Variants in ASPM observed in about 807,000 individuals in gnomAD.
The protein encoded by ASPM is assembly factor for spindle microtubules.
Under a neutral mutation model 366.4 loss-of-function variants are expected in ASPM, and 256 were observed. The ratio of observed to expected loss-of-function variants is 0.70; its 90% confidence interval spans 0.63 to 0.77. ASPM has a LOEUF of 0.77. Among genes scored for constraint, ASPM ranks in the 30% least tolerant of loss-of-function variants. The pLI, the probability that ASPM is intolerant of heterozygous loss-of-function variation, is 0.00. For missense variants in ASPM, 4,146 were observed against 4,090.4 expected (o/e 1.01, Z -0.37); for synonymous variants, 1,414 against 1,342.9 (o/e 1.05, Z -1.16).
chr1:197,143,255 C>T lies in ASPM; in HGVS notation c.997G>A (p.Glu333Lys), dbSNP rs1424532647. Residue 333 changes from glutamate to lysine, a missense_variant, in exon 3 of 28, where the codon GAA (glutamate) becomes AAA (lysine). Physicochemically the swap from Glu to Lys is moderately conservative, Grantham distance 56 (BLOSUM62 1). Coordinates refer to ENST00000367409, the MANE Select transcript of ASPM (RefSeq NM_018136.5). ...TCTGATGAAAGACATGTTACTAATT[C>T]TAGTTCATTATTAGCTCCATGACTA... Reference protein sequence around the residue: ...NNSHGANNELELVTCLSSDMF... With the variant: ...NNSHGANNELKLVTCLSSDMF... 6.2e-7 allele frequency: 1 copy of T among 1,612,144 alleles called. No homozygotes were observed. Among genetic ancestry groups the T allele is most frequent in the Non-Finnish European group, 8.5e-7 (1 of 1,178,558 alleles).
chr1:197,091,685 T>G (rs1398716700), intron 22 of ASPM, among the ~76,000 whole-genome samples: 1 of 152,032 alleles, frequency 6.6e-6, no homozygotes, highest in Non-Finnish European at 1.5e-5. Flanking sequence ...CTGGCAGGAA[T>G]GTAAATGAGT....
At chr1:197,110,517 A>T (rs1219294933) in intron 17 of ASPM, among the ~76,000 whole-genome samples, 1 of 152,094 alleles carries the variant, frequency 6.6e-6, no homozygotes, top group Non-Finnish European at 1.5e-5. Context: ...AAGAAAAGTG[A>T]TAACTGGATT....
chr1:197,126,465 AAAG>A (rs1277392023), intron 10 of ASPM, among the ~76,000 whole-genome samples: 766 of 24,878 alleles, frequency 0.031, 105 homozygotes, highest in South Asian at 0.093. Flanking sequence ...AAAAAAAAAA[AAAG>A]GGAGGGGGAC....
chr1:197,084,264 G>A lies in ASPM; in HGVS notation c.*60C>T, dbSNP rs1537318. 4.7e-3 allele frequency: 5,933 copies of A among 1,258,850 alleles called. 165 individuals carry two copies. In the African/African-American group the frequency reaches 0.073, roughly 15 times the overall value. The allele number at this position is 1,258,850 out of a possible 1,614,324, so 78.0% of individuals were successfully genotyped here. ...ACACGGAGAGCAAAAATCACTTTAC[G>A]TACTCATGATTGGCTTTAATATTTC... On this transcript the variant is annotated 3_prime_UTR_variant, in exon 28 of 28. Coordinates refer to ENST00000367409, the MANE Select transcript of ASPM (RefSeq NM_018136.5).
rs202178898 is a variant in ASPM, at chr1:197,090,931, T to C, written c.9555A>G (p.Ala3185=). The C allele has an allele frequency of 6.8e-5, 110 of 1,613,398 alleles. No homozygotes were observed. Among genetic ancestry groups the C allele is most frequent in the Middle Eastern group, 1.6e-4 (1 of 6,080 alleles). ...QECLSQRNRA[A]SVIQKAVRHF... ...GGCGCACTGCTTTCTGTATTACTGATGCAGCCCTATTTCGCTGGCTCAGAC... is the reference window on the plus strand; with the variant it reads ...GGCGCACTGCTTTCTGTATTACTGACGCAGCCCTATTTCGCTGGCTCAGAC... Residue 3185 remains alanine (A), a synonymous_variant, in exon 23 of 28, where the codon GCA becomes GCG. Coordinates refer to ENST00000367409, the MANE Select transcript of ASPM (RefSeq NM_018136.5).
In ASPM at chr1:197,100,747, G is replaced by A; in HGVS notation, c.8504C>T (p.Thr2835Ile). ...FCRMVTRKLE[T>I]QKCAALRIQF... ...AATCCGTAGGGCAGCACATTTCTGTGTTTCCAGTTTTCTTGTGACCATTCT... is the reference window on the plus strand; with the variant it reads ...AATCCGTAGGGCAGCACATTTCTGTATTTCCAGTTTTCTTGTGACCATTCT... Residue 2835 changes from threonine (T) to isoleucine (I), a missense_variant, in exon 18 of 28, where the codon ACA becomes ATA. Thr to Ile is a moderately conservative substitution (Grantham distance 89, BLOSUM62 -1). This residue lies in a region of ASPM where 3,624 missense variants were observed against 3,591.7 expected (regional missense o/e 1.01). Transcript: ENST00000367409. The A allele has an allele frequency of 6.2e-7, 1 of 1,612,452 alleles. No individual in the cohort carries two copies. Among genetic ancestry groups the A allele is most frequent in the Non-Finnish European group, 8.5e-7 (1 of 1,179,104 alleles).
At chr1:197,136,786 C>T (rs1335928745) in intron 4 of ASPM, among the ~76,000 whole-genome samples, 1 of 151,986 alleles carries the variant, frequency 6.6e-6, no homozygotes, top group African/African-American at 2.4e-5. Flanking sequence ...TCTGGAAACT[C>T]TATTTCACAT....
At chr1:197,095,163 T>C (rs1656930753) in intron 19 of ASPM, among the ~76,000 whole-genome samples, 1 of 151,774 alleles carries the variant, frequency 6.6e-6, no homozygotes, top group African/African-American at 2.4e-5. Context: ...ATAGTTGCCC[T>C]ATTGTGCTAC....
intron 18 of ASPM, 57 bp downstream of exon 18, chr1:197,100,370 TAACA>T: frequency 8.7e-7 from 1 of 1,154,904 alleles, no homozygotes; most frequent in Non-Finnish European, 1.2e-6. Context: ...TTATACATTC[TAACA>T]AATATTGGTC....
At chr1:197,117,727 C>G in intron 17 of ASPM, 62 bp downstream of exon 17, 1 of 1,409,826 alleles carries the variant, frequency 7.1e-7, no homozygotes, top group Non-Finnish European at 9.8e-7. Flanking sequence ...CACATTTTGC[C>G]TTCTTACTTA....
At chr1:197,090,747 C>A (rs1656752965) in intron 23 of ASPM, 103 bp downstream of exon 23, 2 of 1,053,232 alleles carry the variant, frequency 1.9e-6, no homozygotes, top group African/African-American at 1.6e-5. Context: ...CCGGCTAATG[C>A]GTTAGCTTTT....
chr1:197,129,052 G>T, intron 9 of ASPM, 135 bp downstream of exon 9: 1 of 922,114 alleles, frequency 1.1e-6, no homozygotes, highest in South Asian at 1.8e-5. Context: ...CACCAGACAG[G>T]CATTCCTATT....
In ASPM at chr1:197,102,083, T is replaced by G; in HGVS notation, c.7168A>C (p.Ile2390Leu). 3 of 1,613,026 alleles carry G rather than the reference T, an allele frequency of 1.9e-6. No homozygotes were observed. The highest frequency in any genetic ancestry group is 2.5e-6 in the Non-Finnish European group (3 of 1,179,318). ...HYLRQRHSAV[I>L]LQAAFRGMKT... ...ATACCCCTGAATGCAGCCTGAAGGA[T>G]CACAGCAGAGTGTCTTTGTCTGAGA... Residue 2390 changes from isoleucine (I) to leucine (L), a missense_variant, in exon 18 of 28, where the codon ATC becomes CTC. Physicochemically the swap from Ile to Leu is conservative, Grantham distance 5. This residue lies in a region of ASPM where 3,624 missense variants were observed against 3,591.7 expected (regional missense o/e 1.01). Transcript: ENST00000367409.
Position 197,118,156 on chromosome 1 carries a change from G to A in ASPM, c.3871-173C>T, listed in dbSNP as rs141537070. Among the ~76,000 whole-genome samples, 441 of 152,236 alleles carry A rather than the reference G, an allele frequency of 2.9e-3. 3 individuals carry two copies. Among genetic ancestry groups the A allele is most frequent in the Middle Eastern group, 0.01 (3 of 294 alleles). On this transcript the variant is annotated intron_variant, in intron 16 of 27. Coordinates refer to ENST00000367409, the MANE Select transcript of ASPM (RefSeq NM_018136.5). Reference sequence around the variant, plus strand: ...TGATAATTCCAGGCATGTCGAAAGCGCTGATAGGTGGGCTTGCAGATATTT... The same window carrying A: ...TGATAATTCCAGGCATGTCGAAAGCACTGATAGGTGGGCTTGCAGATATTT...
At chr1:197,138,912 T>A (rs756622337) in intron 4 of ASPM, 154 of 895,646 alleles carry the variant, frequency 1.7e-4, no homozygotes, top group Non-Finnish European at 2.6e-4. Flanking sequence ...TTTAAGATGC[T>A]TGAACTTGTC....
chr1:197,100,278 CCT>C (rs2125093122), intron 18 of ASPM, among the ~76,000 whole-genome samples, 151 bp downstream of exon 18: 1 of 151,772 alleles, frequency 6.6e-6, no homozygotes, highest in East Asian at 1.9e-4. Context: ...GTGCCCTTTC[CCT>C]CTTTCAAAAA....
At position 197,091,116 on chromosome 1, in the gene ASPM, T is replaced by C. The variant is rs146324582; in HGVS notation, c.9445-75A>G. 6.9e-5 allele frequency: 83 copies of C among 1,194,840 alleles called. 1 individual carries two copies. The African/African-American group carries it at 1.2e-3, about 17-fold the overall frequency. 74.0% of individuals were successfully genotyped at this position (1,194,840 alleles called of 1,614,324 possible). ...AAAAAAATATACAAATATACATTTA[T>C]ACATAAATGAAAGAAATAGAACAGT... On this transcript the variant is annotated intron_variant, in intron 22 of 27. Transcript: ENST00000367409.
intron 16 of ASPM, among the ~76,000 whole-genome samples, chr1:197,119,466 C>T (rs1366846101): frequency 6.6e-6 from 1 of 152,108 alleles, no homozygotes; most frequent in Non-Finnish European, 1.5e-5. Context: ...TAACTTATCT[C>T]AGTTTTTAGA....
chr1:197,102,442 T>A lies in ASPM; in HGVS notation c.6809A>T (p.Gln2270Leu). 6.2e-7 allele frequency: 1 copy of A among 1,612,578 alleles called. No individual in the cohort carries two copies. The highest frequency in any genetic ancestry group is 8.5e-7 in the Non-Finnish European group (1 of 1,179,130). The change falls in exon 18 of 28, where the codon CAG becomes CTG. Residue 2270 changes from glutamine to leucine, a missense_variant. Physicochemically the swap from Gln to Leu is moderately radical, Grantham distance 113. This residue lies in a region of ASPM where 3,624 missense variants were observed against 3,591.7 expected (regional missense o/e 1.01). Transcript: ENST00000367409. ...CATCATTAGAGTTCTAAATCTCCTC[T>A]GAATGAGAGTTGCGGCTATATGCAT... ...KMMHIAATLIQRRFRTLMMRR... is the reference protein window; with the variant it reads ...KMMHIAATLILRRFRTLMMRR...
Sources: allele counts gnomAD v4.1 joint callset (sites outside exome capture counted in the v4.1 genomes callset), GRCh38; gene constraint gnomAD v4.1.1; regional missense constraint gnomAD v4.1.1; transcripts MANE v1.5; gene names NCBI Gene and HGNC (gene_info 2026-07-23, HGNC 2026-07-21).